CACNB4: variants seen among roughly 807,000 people sequenced by gnomAD.
CACNB4 encodes the protein voltage-dependent L-type calcium channel subunit beta-4.
Under a neutral mutation model 71.2 loss-of-function variants are expected in CACNB4, and 32 were observed. The observed-to-expected ratio is 0.45, with a 90% CI of 0.34 to 0.60. CACNB4 has a LOEUF of 0.60. Among genes scored for constraint, CACNB4 ranks in the 20% least tolerant of loss-of-function variants. The pLI, the probability that CACNB4 is intolerant of heterozygous loss-of-function variation, is 0.01. For missense variants in CACNB4, 464 were observed against 647.9 expected (o/e 0.72, Z 3.08); for synonymous variants, 231 against 236.9 (o/e 0.97, Z 0.23).
intron 2 of CACNB4, among the ~76,000 whole-genome samples, chr2:151,995,380 T>C (rs1175671239): frequency 1.3e-5 from 2 of 152,154 alleles, no homozygotes; most frequent in African/African-American, 4.8e-5. Flanking sequence ...GTCATGTGCT[T>C]AGCACAAAAA....
intron 2 of CACNB4, among the ~76,000 whole-genome samples, chr2:151,892,961 AAAAATT>A (rs1214162684): frequency 1.3e-5 from 2 of 152,254 alleles, no homozygotes; most frequent in South Asian, 4.1e-4. Flanking sequence ...AGTTGACTGA[AAAAATT>A]AAAATCCAGA....
chr2:151,974,398 A>T (rs2099873396), intron 2 of CACNB4, among the ~76,000 whole-genome samples: 1 of 152,204 alleles, frequency 6.6e-6, no homozygotes, highest in Non-Finnish European at 1.5e-5. Context: ...GACTAGAATA[A>T]ACAGATGGTA....
At chr2:151,872,572 G>A (rs1266156953) in intron 5 of CACNB4, 79 bp from the exon 6 acceptor site, 1 of 767,054 alleles carries the variant, frequency 1.3e-6, no homozygotes, top group East Asian at 2.6e-5. Context: ...AGCTTTCTTT[G>A]GCCCTCATCC....
intron 2 of CACNB4, among the ~76,000 whole-genome samples, chr2:151,926,614 C>A (rs529251427): frequency 6.6e-6 from 1 of 152,326 alleles, no homozygotes; most frequent in Admixed American, 6.5e-5. Context: ...CCTAATGCAG[C>A]ATTTTCTTCA....
chr2:152,098,110 A>G lies in CACNB4; in HGVS notation c.147+220T>C, dbSNP rs1004763288. ...CCGAACTGTCCACACACATGCACAA[A>G]CTAACTTCCCGGGGCGGTGCGGAGA... is the stretch of plus-strand genomic sequence containing the variant. On this transcript the variant is annotated intron_variant, in intron 2 of 13. Coordinates refer to ENST00000539935, the MANE Select transcript of CACNB4 (RefSeq NM_000726.5). The surrounding 1 kb of genome is among the most constrained non-coding windows in gnomAD (Gnocchi z 5.3). Among the ~76,000 whole-genome samples, 10 of 152,326 alleles carry G rather than the reference A, an allele frequency of 6.6e-5. No homozygotes were observed. The highest frequency in any genetic ancestry group is 2.4e-4 in the African/African-American group (10 of 41,586).
intron 2 of CACNB4, among the ~76,000 whole-genome samples, chr2:152,091,009 A>G (rs2105466892): frequency 6.6e-6 from 1 of 151,648 alleles, no homozygotes; most frequent in East Asian, 1.9e-4. Flanking sequence ...GGGCCACTGC[A>G]CTCCAGCCTG....
At chr2:151,957,257 C>CGTGTATGTGTGTGTGT (rs3068823) in intron 2 of CACNB4, among the ~76,000 whole-genome samples, 12,755 of 131,706 alleles carry the variant, frequency 0.097, 1,114 homozygotes, top group Non-Finnish European at 0.13. Context: ...AGTGGCTGGG[C>CGTGTATGTGTGTGTGT]GTGTGTGTGT....
intron 2 of CACNB4, among the ~76,000 whole-genome samples, chr2:152,018,867 C>A (rs1307178456): frequency 6.6e-6 from 1 of 150,396 alleles, no homozygotes; most frequent in Non-Finnish European, 1.5e-5. Flanking sequence ...TTTGAGGAAA[C>A]TTTCCATTTA....
intron 2 of CACNB4, among the ~76,000 whole-genome samples, chr2:152,077,163 G>A (rs1687076911): frequency 6.6e-6 from 1 of 152,318 alleles, no homozygotes; most frequent in East Asian, 1.9e-4. Context: ...GCTCATGCCT[G>A]TAATCCCAGC....
intron 2 of CACNB4, among the ~76,000 whole-genome samples, chr2:152,017,750 A>G (rs1234242214): frequency 2.0e-5 from 3 of 152,086 alleles, no homozygotes. Context: ...TAAAAGTCCT[A>G]AAACAATAAA....
chr2:151,978,186 G>A (rs868568875), intron 2 of CACNB4, among the ~76,000 whole-genome samples: 1 of 40 alleles, frequency 0.025, no homozygotes, highest in Non-Finnish European at 0.045. Flanking sequence ...TCTCTGAGGC[G>A]GAGCTCAGCT....
At chr2:151,857,465 A>G (rs938096581) in intron 10 of CACNB4, 12 of 152,234 alleles carry the variant, frequency 7.9e-5, no homozygotes, top group Non-Finnish European at 1.5e-4. Flanking sequence ...GTAATGTAGC[A>G]TATTTGTCCC....
At chr2:151,904,798 G>C (rs1024963088) in intron 2 of CACNB4, among the ~76,000 whole-genome samples, 1 of 152,160 alleles carries the variant, frequency 6.6e-6, no homozygotes, top group African/African-American at 2.4e-5. Flanking sequence ...GCCTCCCAAA[G>C]TGCTGGGATT....
intron 2 of CACNB4, among the ~76,000 whole-genome samples, chr2:151,957,149 T>C (rs995572220): frequency 1.3e-5 from 2 of 151,820 alleles, no homozygotes; most frequent in Non-Finnish European, 2.9e-5. Context: ...TCAGACTCCA[T>C]CTCAAAAAAA....
intron 2 of CACNB4, among the ~76,000 whole-genome samples, chr2:152,068,774 C>A (rs1004490518): frequency 1.3e-5 from 2 of 152,060 alleles, no homozygotes; most frequent in Non-Finnish European, 2.9e-5. Flanking sequence ...AGAATCCACA[C>A]CTATGTTTTC....
intron 2 of CACNB4, among the ~76,000 whole-genome samples, chr2:151,937,563 C>T (rs892399683): frequency 6.6e-6 from 1 of 152,136 alleles, no homozygotes; most frequent in Non-Finnish European, 1.5e-5. Context: ...GGTACCAGCT[C>T]AGAAATCAGA....
At chr2:152,005,811 C>T (rs1311234975) in intron 2 of CACNB4, among the ~76,000 whole-genome samples, 6 of 152,146 alleles carry the variant, frequency 3.9e-5, no homozygotes, top group African/African-American at 7.2e-5. Context: ...CCATTTCGGG[C>T]AAGTTACTTC....
chr2:151,933,700 A>G (rs1192654570), intron 2 of CACNB4, among the ~76,000 whole-genome samples: 1 of 152,216 alleles, frequency 6.6e-6, no homozygotes, highest in African/African-American at 2.4e-5. Context: ...ACAGTTTTGC[A>G]ATATTTTCAT....
chr2:151,954,102 C>T (rs2099867598), intron 2 of CACNB4, among the ~76,000 whole-genome samples: 2 of 152,192 alleles, frequency 1.3e-5, no homozygotes, highest in Admixed American at 1.3e-4. Context: ...TGCCATCTAC[C>T]TCTTGCAACT....
Sources: allele counts gnomAD v4.1 joint callset (sites outside exome capture counted in the v4.1 genomes callset), GRCh38; gene constraint gnomAD v4.1.1; non-coding constraint Gnocchi (gnomAD v3.1); transcripts MANE v1.5; gene names NCBI Gene and HGNC (gene_info 2026-07-23, HGNC 2026-07-21).